The following RBFOX1 variants were observed in gnomAD, a reference collection of about 807,000 sequenced individuals.
RBFOX1 encodes the protein RNA binding protein fox-1 homolog 1.
In RBFOX1, 8 loss-of-function variants were observed where a neutral mutation model predicts 57.7. The observed-to-expected ratio is 0.14, with a 90% CI of 0.08 to 0.25. The LOEUF (loss-of-function observed/expected upper bound fraction) is 0.25. RBFOX1 is among the 10% of genes least tolerant of loss of function. The probability of loss-of-function intolerance (pLI) is 1.00; values close to 1 mark genes in which losing one functional copy is unlikely to be tolerated. For missense variants in RBFOX1, 611 were observed against 548.5 expected, an observed-to-expected ratio of 1.11 and a Z score of -1.14; for synonymous variants, 326 against 222.4, an observed-to-expected ratio of 1.47 and a Z score of -4.15.
intron 2 of RBFOX1, among the ~76,000 whole-genome samples, chr16:6,463,138 G>GT (rs921548553): frequency 5.9e-5 from 9 of 152,118 alleles, no homozygotes; most frequent in Non-Finnish European, 1.0e-4. Flanking sequence ...ATACTTTATA[G>GT]TTTTTTGCTT....
intron 1 of RBFOX1, among the ~76,000 whole-genome samples, chr16:5,273,484 G>A (rs1487566546): frequency 6.6e-6 from 1 of 152,154 alleles, no homozygotes; most frequent in East Asian, 1.9e-4. Context: ...GATCTCAGAT[G>A]CCCTTGCATC....
intron 3 of RBFOX1, among the ~76,000 whole-genome samples, chr16:5,853,517 A>C (rs1204219978): frequency 6.6e-6 from 1 of 152,160 alleles, no homozygotes; most frequent in East Asian, 1.9e-4. Context: ...GCTGCACCTG[A>C]GGACACAGAC....
At chr16:5,945,429 A>G (rs750307814) in intron 4 of RBFOX1, among the ~76,000 whole-genome samples, 2 of 152,226 alleles carry the variant, frequency 1.3e-5, no homozygotes, top group Admixed American at 1.3e-4. Context: ...GTGAATGTCT[A>G]TGCTTCGCCC....
At chr16:5,593,911 C>G (rs181017138) in intron 2 of RBFOX1, among the ~76,000 whole-genome samples, 2 of 152,268 alleles carry the variant, frequency 1.3e-5, no homozygotes, top group East Asian at 3.9e-4. Flanking sequence ...GGTACTGACC[C>G]CATTTGTCTT....
At chr16:7,418,539 A>T (rs1399884390) in intron 4 of RBFOX1, among the ~76,000 whole-genome samples, 1 of 152,210 alleles carries the variant, frequency 6.6e-6, no homozygotes, top group Non-Finnish European at 1.5e-5. Flanking sequence ...ATCTGATGCC[A>T]TTAAAGTCTC....
In RBFOX1 at chr16:7,411,060, C is replaced by T. The variant is rs533434564; in HGVS notation, c.28-107087C>T. 3.6e-3 allele frequency among the ~76,000 whole-genome samples: 552 copies of T among 152,196 alleles called. 1 individual carries two copies. The highest frequency in any genetic ancestry group is 3.6e-3 in the Non-Finnish European group (246 of 68,022). ...TCTTGAGTTTAAGCAATTCTTGTGC[C>T]TCAGCGTACCGAGTAGCTGGGACTA... On this transcript the variant is annotated intron_variant, in intron 4 of 15. Coordinates refer to ENST00000550418, the MANE Select transcript of RBFOX1 (RefSeq NM_018723.4).
chr16:5,766,160 C>T (rs989229111), intron 3 of RBFOX1, among the ~76,000 whole-genome samples: 1 of 152,110 alleles, frequency 6.6e-6, no homozygotes, highest in African/African-American at 2.4e-5. Context: ...TCATGGTATT[C>T]CAGGACTATT....
At chr16:6,530,504 C>G (rs1334936699) in intron 2 of RBFOX1, among the ~76,000 whole-genome samples, 2 of 152,180 alleles carry the variant, frequency 1.3e-5, no homozygotes, top group Non-Finnish European at 2.9e-5. Context: ...ATAACTATCA[C>G]AGATACCTCA....
intron 3 of RBFOX1, among the ~76,000 whole-genome samples, chr16:5,710,776 C>T (rs1019789446): frequency 2.6e-5 from 4 of 152,136 alleles, no homozygotes; most frequent in African/African-American, 9.7e-5. Context: ...CTGGGGACCC[C>T]TGGCGTTTTC....
At chr16:6,084,278 C>G (rs1054624233) in intron 1 of RBFOX1, among the ~76,000 whole-genome samples, 1 of 151,908 alleles carries the variant, frequency 6.6e-6, no homozygotes, top group Non-Finnish European at 1.5e-5. Flanking sequence ...GTGTCTTGCT[C>G]TGTCGCCCAG....
chr16:7,050,264 CT>C (rs60550468), intron 3 of RBFOX1, among the ~76,000 whole-genome samples: 3,812 of 120,988 alleles, frequency 0.032, 107 homozygotes, highest in African/African-American at 0.1. Flanking sequence ...TTATTTTTAT[CT>C]TTTTTTTTTT....
intron 4 of RBFOX1, among the ~76,000 whole-genome samples, chr16:7,194,946 T>G (rs1254109978): frequency 1.6e-5 from 2 of 124,458 alleles, no homozygotes; most frequent in Admixed American, 7.9e-5. Flanking sequence ...AAAAAAAAAG[T>G]GAAGAATTCA....
At chr16:6,639,919 A>G (rs1194173209) in intron 2 of RBFOX1, among the ~76,000 whole-genome samples, 1 of 152,086 alleles carries the variant, frequency 6.6e-6, no homozygotes, top group Non-Finnish European at 1.5e-5. Context: ...AAACAAGATT[A>G]CAGTTATGAC....
intron 1 of RBFOX1, among the ~76,000 whole-genome samples, chr16:6,101,471 T>A (rs141456344): frequency 0.018 from 2,716 of 152,090 alleles, 81 homozygotes; most frequent in African/African-American, 0.059. Context: ...ACTTTTTAAA[T>A]TATTATTATT....
intron 3 of RBFOX1, among the ~76,000 whole-genome samples, chr16:7,015,351 C>T (rs1194673151): frequency 6.6e-6 from 1 of 151,976 alleles, no homozygotes. Context: ...GCTTCTTAGC[C>T]TTTTCTGGGC....
chr16:5,803,491 G>A (rs902980240), intron 3 of RBFOX1, among the ~76,000 whole-genome samples: 3 of 152,062 alleles, frequency 2.0e-5, no homozygotes, highest in East Asian at 3.9e-4. Context: ...TTTTAATAAC[G>A]GTGCTACTTT....
chr16:5,239,849 C>G, exon 1 of RBFOX1: 1 of 1,235,948 alleles, frequency 8.1e-7, no homozygotes, highest in African/African-American at 1.6e-5. Flanking sequence ...GCGCCGGGTC[C>G]TTCCTCTTCC....
chr16:7,023,892 G>C (rs145152577), intron 3 of RBFOX1, among the ~76,000 whole-genome samples: 1 of 152,122 alleles, frequency 6.6e-6, no homozygotes. Flanking sequence ...AGTATATCGA[G>C]TTTGGAAAGG....
At chr16:6,953,848 G>C (rs983967307) in intron 3 of RBFOX1, among the ~76,000 whole-genome samples, 1 of 152,160 alleles carries the variant, frequency 6.6e-6, no homozygotes, top group African/African-American at 2.4e-5. Flanking sequence ...TACCTGACTT[G>C]AATCTCTCTT....
Sources: allele counts gnomAD v4.1 joint callset (sites outside exome capture counted in the v4.1 genomes callset), GRCh38; gene constraint gnomAD v4.1.1; transcripts MANE v1.5; gene names NCBI Gene and HGNC (gene_info 2026-07-23, HGNC 2026-07-21).